CAPN11: variants seen among roughly 807,000 people sequenced by gnomAD.
The protein encoded by CAPN11 is calpain 11.
Under a neutral mutation model 105.3 loss-of-function variants are expected in CAPN11, and 108 were observed. The observed-to-expected ratio is 1.03, with a 90% confidence interval of 0.88 to 1.20. The LOEUF is 1.20. Among genes scored for constraint, CAPN11 ranks in the 50% most tolerant of loss-of-function variants. CAPN11 has a pLI of 0.00. For missense variants in CAPN11, 883 were observed against 924.8 expected, an observed-to-expected ratio of 0.95 and a Z score of 0.59; for synonymous variants, 329 against 344.5, an observed-to-expected ratio of 0.96 and a Z score of 0.50.
chr6:44,173,287 C>T lies in CAPN11; in HGVS notation c.732C>T (p.Gly244=), dbSNP rs764480583. 9 of 1,613,788 alleles carry T rather than the reference C, an allele frequency of 5.6e-6. No individual in the cohort carries two copies. Among genetic ancestry groups the T allele is most frequent in the East Asian group, 2.2e-5 (1 of 44,876 alleles). The part of the protein sequence containing the change: ...TMEGLEDFTG[G]VAQSFQLQRP... Reference sequence around the variant, plus strand: ...AGGGCCTTGAGGACTTCACAGGAGGCGTGGCCCAGAGCTTCCAACTCCAGA... The same window carrying T: ...AGGGCCTTGAGGACTTCACAGGAGGTGTGGCCCAGAGCTTCCAACTCCAGA... Residue 244 remains glycine (G), a synonymous_variant, in exon 7 of 23, where the codon GGC becomes GGT. Transcript: ENST00000398776.
Position 44,183,158 on chromosome 6 carries a change from C to A in CAPN11, c.2057C>A (p.Ala686Asp), listed in dbSNP as rs374181411. 1.2e-6 allele frequency: 2 copies of A among 1,613,404 alleles called. No individual in the cohort carries two copies. Among genetic ancestry groups the A allele is most frequent in the African/African-American group, 1.3e-5 (1 of 75,000 alleles). The part of the protein sequence containing the change: ...LNNKVMQVLV[A>D]RYADDDLIID... ...AACAAGGTAATGCAGGTCCTGGTGG[C>A]CAGGTATGCAGATGATGACCTGATC... Residue 686 changes from alanine to aspartate, a missense_variant, in exon 21 of 23, where the codon GCC (alanine) becomes GAC (aspartate). Transcript: ENST00000398776.
chr6:44,172,260 T>A, intron 4 of CAPN11, 42 bp from the exon 5 acceptor site: 1 of 1,357,844 alleles, frequency 7.4e-7, no homozygotes, highest in Non-Finnish European at 1.0e-6. Context: ...CCCACACATA[T>A]GGGGTTGCTC....
At chr6:44,172,442 A>G in intron 5 of CAPN11, 22 bp downstream of exon 5, 1 of 1,432,978 alleles carries the variant, frequency 7.0e-7, no homozygotes, top group Non-Finnish European at 9.6e-7. Flanking sequence ...TGTGAGAGCC[A>G]CTGTGGCTTT....
intron 11 of CAPN11, 42 bp from the exon 12 acceptor site, chr6:44,177,200 G>T: frequency 6.5e-7 from 1 of 1,543,194 alleles, no homozygotes; most frequent in South Asian, 1.2e-5. Context: ...GCGTGGCCAA[G>T]GGAAGCCCCC....
In CAPN11 at chr6:44,176,697, C is replaced by T. The variant is rs770754379; in HGVS notation, c.1076+42C>T. ...GTGGGCTTCTTACCACCACCCTAGG[C>T]CCTGGTCCTTCATCTCCCTGCTCCG... is the stretch of plus-strand genomic sequence containing the variant. On this transcript the variant is annotated intron_variant, in intron 10 of 22. Transcript: ENST00000398776. 3 of 1,565,020 alleles carry T rather than the reference C, an allele frequency of 1.9e-6. No homozygotes were observed. In the African/African-American group the frequency reaches 4.1e-5, roughly 21 times the overall value.
At chr6:44,173,669 A>C (rs1771435160) in intron 7 of CAPN11, among the ~76,000 whole-genome samples, 1 of 149,254 alleles carries the variant, frequency 6.7e-6, no homozygotes, top group African/African-American at 2.5e-5. Flanking sequence ...TGCAACCTCC[A>C]CCTCCTGGGT....
At chr6:44,175,863 C>A (rs549556146) in intron 7 of CAPN11, among the ~76,000 whole-genome samples, 2 of 152,106 alleles carry the variant, frequency 1.3e-5, no homozygotes, top group African/African-American at 4.8e-5. Flanking sequence ...ACTGGGGGAA[C>A]CTGAGTATGG....
chr6:44,182,919 C>A (rs755117504), intron 19 of CAPN11, 22 bp from the exon 20 acceptor site: 7 of 1,570,772 alleles, frequency 4.5e-6, no homozygotes, highest in Non-Finnish European at 6.1e-6. Flanking sequence ...TGTGGCCCTA[C>A]CATATCTGTC....
chr6:44,179,133 C>A lies in CAPN11; in HGVS notation c.1417-486C>A, dbSNP rs187215651. Among the ~76,000 whole-genome samples the A allele has an allele frequency of 1.3e-3, 197 of 152,208 alleles. 1 individual carries two copies. Among genetic ancestry groups the A allele is most frequent in the Middle Eastern group, 6.8e-3 (2 of 294 alleles). On this transcript the variant is annotated intron_variant, in intron 12 of 22. Transcript: ENST00000398776. ...CTTCCTGCAGGATATGAGTGTTCCA[C>A]GGAAAAGCAAAACACTGTCCTAGAT... is the stretch of plus-strand genomic sequence containing the variant.
intron 3 of CAPN11, among the ~76,000 whole-genome samples, 171 bp downstream of exon 3, chr6:44,169,702 C>T (rs1770635568): frequency 6.6e-6 from 1 of 152,124 alleles, no homozygotes; most frequent in Admixed American, 6.6e-5. Flanking sequence ...TTAAGCCAAA[C>T]CTCCTAGGTA....
At position 44,172,288 on chromosome 6, in the gene CAPN11, GC is replaced by G; in HGVS notation, c.410-12del. The G allele has an allele frequency of 1.3e-6, 2 of 1,542,450 alleles. No homozygotes were observed. The highest frequency in any genetic ancestry group is 1.8e-6 in the Non-Finnish European group (2 of 1,140,232). On this transcript the variant is annotated splice_polypyrimidine_tract_variant and intron_variant, in intron 4 of 22. Transcript: ENST00000398776. ...GGTTGCTCAGGGGTGGCAAAGCCCT[GC>G]CTGTCTTTCCAGGGGACTGCTGGCT...
Position 44,173,234 on chromosome 6 carries a change from G to T in CAPN11, c.679G>T (p.Glu227Ter). Residue 227 changes from glutamate (E) to a stop codon, truncating the protein, a stop_gained, in exon 7 of 23, where the codon GAA becomes TAA. Transcript: ENST00000398776. LOFTEE classifies it high-confidence loss of function. ...KAYAKLSGSY[E>*]ALSGGSTMEG... Reference sequence around the variant, plus strand: ...TGCCCACAGGCTGAGTGGGTCCTATGAAGCATTGTCAGGGGGCAGTACCAT... The same window carrying T: ...TGCCCACAGGCTGAGTGGGTCCTATTAAGCATTGTCAGGGGGCAGTACCAT... 6.2e-7 allele frequency: 1 copy of T among 1,613,932 alleles called. No individual in the cohort carries two copies. Among genetic ancestry groups the T allele is most frequent in the South Asian group, 1.1e-5 (1 of 91,080 alleles).
In CAPN11 at chr6:44,173,054, C is replaced by A. The variant is rs767123649; in HGVS notation, c.643C>A (p.Leu215Met). ...TERSEFWSAL[L>M]EKAYAKLSGS... The stretch of plus-strand genomic sequence containing the variant: ...ACGCAGTGAGTTCTGGAGTGCCCTG[C>A]TGGAGAAGGCGTATGCCAAGTGAGT... Residue 215 changes from leucine to methionine, a missense_variant, in exon 6 of 23, where the codon CTG becomes ATG. By Grantham distance (15) the Leu-to-Met change is conservative. Transcript: ENST00000398776. 6.2e-7 allele frequency: 1 copy of A among 1,613,500 alleles called. No individual in the cohort carries two copies. The highest frequency in any genetic ancestry group is 8.5e-7 in the Non-Finnish European group (1 of 1,179,688).
At position 44,171,183 on chromosome 6, in the gene CAPN11, C is replaced by A. The variant is rs140706685; in HGVS notation, c.410-1119C>A. 4.3e-4 allele frequency among the ~76,000 whole-genome samples: 66 copies of A among 152,284 alleles called. No homozygotes were observed. In the East Asian group the frequency reaches 0.012, roughly 28 times the overall value. On this transcript the variant is annotated intron_variant, in intron 4 of 22. Coordinates refer to ENST00000398776, the MANE Select transcript of CAPN11 (RefSeq NM_007058.4). ...TGGTAATCATAGAAACTTTCTGCTC[C>A]CTCAACCTCAGCCTGGCGTAGGATG...
At chr6:44,161,840 G>C (rs1208971088) in intron 1 of CAPN11, 2 of 456,144 alleles carry the variant, frequency 4.4e-6, no homozygotes, top group Non-Finnish European at 8.8e-6. Context: ...CAGGGTAGAG[G>C]CTGCCTGGAG....
Position 44,176,566 on chromosome 6 carries a change from C to T in CAPN11, c.1002-15C>T, listed in dbSNP as rs374808869. 3.1e-6 allele frequency: 5 copies of T among 1,611,306 alleles called. No individual in the cohort carries two copies. In the South Asian group the frequency reaches 4.4e-5, roughly 14 times the overall value. ...ACCTCCGCCCCTCTCCTTCCACCGC[C>T]CATCTCTGCTCCAGTGCCAGGGAGT... On this transcript the variant is annotated splice_polypyrimidine_tract_variant and intron_variant, in intron 9 of 22. Transcript: ENST00000398776.
chr6:44,173,171 C>A (rs1326512650), intron 6 of CAPN11, 47 bp from the exon 7 acceptor site: 1 of 1,607,266 alleles, frequency 6.2e-7, no homozygotes, highest in Non-Finnish European at 8.5e-7. Context: ...CCCTCCCTCC[C>A]CTCACCTCCA....
Position 44,176,853 on chromosome 6 carries a change from T to G in CAPN11, c.1092T>G (p.Asp364Glu). Residue 364 changes from aspartate (D) to glutamate (E), a missense_variant, in exon 11 of 23, where the codon GAT (aspartate) becomes GAG (glutamate). Asp to Glu is a conservative substitution (Grantham distance 45). Transcript: ENST00000398776. ...EDGEFWMSYQ[D>E]FLNNFTLLEI... is the part of the protein sequence containing the mutation. Reference sequence around the variant, plus strand: ...CCCACCACAGGATGTCCTACCAAGATTTCCTGAACAACTTCACGCTCCTGG... The same window carrying G: ...CCCACCACAGGATGTCCTACCAAGAGTTCCTGAACAACTTCACGCTCCTGG... 1 of 1,613,816 alleles carries G rather than the reference T, an allele frequency of 6.2e-7. No homozygotes were observed. The highest frequency in any genetic ancestry group is 8.5e-7 in the Non-Finnish European group (1 of 1,179,840).
intron 6 of CAPN11, 51 bp downstream of exon 6, chr6:44,173,124 G>A (rs1771304298): frequency 6.2e-7 from 1 of 1,605,498 alleles, no homozygotes; most frequent in Non-Finnish European, 8.5e-7. Context: ...TGTCTGGACA[G>A]CTGGAATCAG....
Sources: gnomAD v4.1 joint callset for allele counts (sites outside exome capture counted in the v4.1 genomes callset) on GRCh38, gnomAD v4.1.1 for gene constraint, MANE v1.5 for transcripts, NCBI Gene and HGNC (gene_info 2026-07-23, HGNC 2026-07-21) for gene names.